The following GRM7 variants were observed in gnomAD, a reference collection of about 807,000 sequenced individuals.
The protein encoded by GRM7 is metabotropic glutamate receptor 7.
A neutral mutation model predicts 84.5 loss-of-function variants in GRM7; 35 were observed. The ratio of observed to expected loss-of-function variants is 0.41; its 90% CI spans 0.32 to 0.55. The LOEUF (loss-of-function observed/expected upper bound fraction) is 0.55. GRM7 is among the 20% of genes least tolerant of loss of function. The pLI is 0.19. For synonymous variants in GRM7, 487 were observed against 455.1 expected, an observed-to-expected ratio of 1.07 and a Z score of -0.89; for missense variants, 1,003 against 1,194.6, an observed-to-expected ratio of 0.84 and a Z score of 2.36.
chr3:7,170,313 C>A (rs768808550), intron 2 of GRM7, among the ~76,000 whole-genome samples: 5 of 152,074 alleles, frequency 3.3e-5, no homozygotes, highest in Admixed American at 2.0e-4. Context: ...AAACAATGCC[C>A]CAAGCCATGT....
intron 8 of GRM7, among the ~76,000 whole-genome samples, chr3:7,612,004 G>A (rs887746714): frequency 6.6e-6 from 1 of 152,106 alleles, no homozygotes; most frequent in Non-Finnish European, 1.5e-5. Flanking sequence ...TCTGACTTTT[G>A]TTACCTTGAG....
chr3:7,117,668 C>G (rs750308327), intron 1 of GRM7, among the ~76,000 whole-genome samples: 6 of 152,154 alleles, frequency 3.9e-5, no homozygotes, highest in Non-Finnish European at 7.4e-5. Context: ...AAGAACACGA[C>G]AGTTCAGATA....
intron 1 of GRM7, among the ~76,000 whole-genome samples, chr3:6,999,198 C>A (rs1694928452): frequency 6.6e-6 from 1 of 152,148 alleles, no homozygotes; most frequent in Admixed American, 6.5e-5. Context: ...GGGGAAAATG[C>A]TGCCAGTTTC....
At chr3:7,737,079 T>C (rs942440687) in intron 9 of GRM7, among the ~76,000 whole-genome samples, 4 of 152,164 alleles carry the variant, frequency 2.6e-5, no homozygotes, top group Non-Finnish European at 4.4e-5. Flanking sequence ...TTCCATAGAA[T>C]GCACTTTGAG....
At chr3:6,939,739 G>T (rs1280147556) in intron 1 of GRM7, among the ~76,000 whole-genome samples, 1 of 151,990 alleles carries the variant, frequency 6.6e-6, no homozygotes, top group African/African-American at 2.4e-5. Context: ...TTGTTTGTGT[G>T]GTCTAGGAAA....
At chr3:7,323,626 T>G (rs12638274) in intron 4 of GRM7, among the ~76,000 whole-genome samples, 4,695 of 152,300 alleles carry the variant, frequency 0.031, 212 homozygotes, top group African/African-American at 0.096. Flanking sequence ...GCAAGCTGCT[T>G]CTTATACTCT....
intron 6 of GRM7, among the ~76,000 whole-genome samples, chr3:7,457,684 A>C (rs759396774): frequency 6.6e-6 from 1 of 152,174 alleles, no homozygotes; most frequent in Non-Finnish European, 1.5e-5. Context: ...ACTAATTTGG[A>C]AGTAGCACTG....
intron 7 of GRM7, 39 bp from the exon 8 acceptor site, chr3:7,578,383 G>C (rs374445200): frequency 1.5e-6 from 2 of 1,368,698 alleles, no homozygotes; most frequent in African/African-American, 1.4e-5. Flanking sequence ...TTCTCTTGAA[G>C]AATCTGCCTG....
chr3:6,861,222 G>C lies in GRM7; in HGVS notation c.-167G>C. 1.9e-6 allele frequency: 1 copy of C among 532,530 alleles called. No homozygotes were observed. The highest frequency in any genetic ancestry group is 3.0e-6 in the Non-Finnish European group (1 of 331,094). 33.0% of individuals were successfully genotyped at this position (532,530 alleles called of 1,614,324 possible). On this transcript the variant is annotated 5_prime_UTR_variant, in exon 1 of 10. Transcript: ENST00000357716. The surrounding 1 kb of genome is among the most constrained non-coding windows in gnomAD (Gnocchi z 6.4). ...GCGCCCCAGGCTGGCAGGCGCCGCG[G>C]GACCCCTCACCCTCTCTGGTCGCCC...
At chr3:7,170,208 T>C (rs1694939771) in intron 2 of GRM7, among the ~76,000 whole-genome samples, 1 of 152,116 alleles carries the variant, frequency 6.6e-6, no homozygotes, top group Non-Finnish European at 1.5e-5. Context: ...GGCTCTTAAT[T>C]ACAAAAAGCA....
At chr3:7,629,967 C>A (rs541044533) in intron 8 of GRM7, among the ~76,000 whole-genome samples, 1 of 152,086 alleles carries the variant, frequency 6.6e-6, no homozygotes, top group African/African-American at 2.4e-5. Flanking sequence ...TAACACATAC[C>A]TCTTTGGCTT....
At chr3:7,526,931 C>CT (rs1700830948) in intron 7 of GRM7, among the ~76,000 whole-genome samples, 1 of 151,986 alleles carries the variant, frequency 6.6e-6, no homozygotes, top group South Asian at 2.1e-4. Flanking sequence ...TTACTGTAGC[C>CT]TTATAGTATA....
intron 7 of GRM7, among the ~76,000 whole-genome samples, chr3:7,574,628 C>T (rs1031736264): frequency 3.9e-5 from 6 of 152,308 alleles, no homozygotes; most frequent in African/African-American, 7.2e-5. Context: ...AAGAAGCTGA[C>T]GTACTTGCAT....
chr3:7,098,909 A>G (rs1698951811), intron 1 of GRM7, among the ~76,000 whole-genome samples: 1 of 151,908 alleles, frequency 6.6e-6, no homozygotes, highest in Non-Finnish European at 1.5e-5. Context: ...GAAATAATAT[A>G]TATGCACAAG....
At chr3:6,865,611 G>A (rs1249960029) in intron 1 of GRM7, among the ~76,000 whole-genome samples, 1 of 151,786 alleles carries the variant, frequency 6.6e-6, no homozygotes, top group Non-Finnish European at 1.5e-5. Flanking sequence ...ACCCTTGTCG[G>A]AGCATAATGC....
intron 9 of GRM7, among the ~76,000 whole-genome samples, chr3:7,737,450 T>A (rs963855248): frequency 1.3e-5 from 2 of 152,232 alleles, no homozygotes; most frequent in African/African-American, 4.8e-5. Flanking sequence ...GTATATTTCC[T>A]TAGCAAGTGC....
intron 2 of GRM7, among the ~76,000 whole-genome samples, chr3:7,194,090 T>C (rs1244169387): frequency 6.6e-6 from 1 of 152,124 alleles, no homozygotes; most frequent in Non-Finnish European, 1.5e-5. Flanking sequence ...AGCCAAATAT[T>C]TTATCTCCAT....
intron 1 of GRM7, among the ~76,000 whole-genome samples, chr3:6,880,987 T>G (rs1028397978): frequency 1.2e-4 from 18 of 152,200 alleles, no homozygotes; most frequent in Non-Finnish European, 4.4e-5. Context: ...TGGACTTCAC[T>G]GGCTTAGCAA....
intron 4 of GRM7, among the ~76,000 whole-genome samples, chr3:7,309,201 A>G (rs1234686777): frequency 6.6e-6 from 1 of 152,220 alleles, no homozygotes. Flanking sequence ...TAGCAGACAG[A>G]ACATTAAGAT....
Sources: allele counts gnomAD v4.1 joint callset (sites outside exome capture counted in the v4.1 genomes callset), GRCh38; gene constraint gnomAD v4.1.1; non-coding constraint Gnocchi (gnomAD v3.1); transcripts MANE v1.5; gene names NCBI Gene and HGNC (gene_info 2026-07-23, HGNC 2026-07-21).